The following PTPN9 variants were observed in gnomAD, a reference collection of about 807,000 sequenced individuals.
The protein encoded by PTPN9 is protein tyrosine phosphatase non-receptor type 9.
PTPN9 carries 26 observed loss-of-function variants against 69.8 expected under a neutral mutation model. That is an observed-to-expected ratio of 0.37 (90% confidence interval 0.27 to 0.52). The LOEUF is 0.52. Ranked by LOEUF, PTPN9 falls within the 20% of genes least tolerant of loss-of-function variation. PTPN9 has a pLI of 0.91. For missense variants in PTPN9, 549 were observed against 740.3 expected (o/e 0.74, Z 3.00); for synonymous variants, 274 against 272.5 (o/e 1.01, Z -0.05).
At chr15:75,518,223 C>T (rs896677379) in intron 4 of PTPN9, among the ~76,000 whole-genome samples, 3 of 151,810 alleles carry the variant, frequency 2.0e-5, no homozygotes, top group African/African-American at 7.3e-5. Context: ...CCTATAGTCT[C>T]AGCTACTTGG....
chr15:75,492,891 G>A (rs1001164307), intron 7 of PTPN9, among the ~76,000 whole-genome samples: 6 of 152,162 alleles, frequency 3.9e-5, no homozygotes, highest in Non-Finnish European at 7.3e-5. Flanking sequence ...GGTGGCTCAT[G>A]CCTGTAATCC....
intron 4 of PTPN9, among the ~76,000 whole-genome samples, chr15:75,520,752 G>A (rs891093744): frequency 3.3e-5 from 5 of 151,940 alleles, no homozygotes; most frequent in Non-Finnish European, 5.9e-5. Context: ...CCGACCTCAG[G>A]AGATCCACCC....
chr15:75,566,498 A>T (rs571130558), intron 1 of PTPN9, among the ~76,000 whole-genome samples: 4 of 152,110 alleles, frequency 2.6e-5, no homozygotes, highest in Non-Finnish European at 5.9e-5. Flanking sequence ...CTTGGCCAAA[A>T]TGGCAAAACC....
chr15:75,541,879 A>C (rs1414376756), intron 1 of PTPN9, among the ~76,000 whole-genome samples: 1 of 151,694 alleles, frequency 6.6e-6, no homozygotes, highest in Non-Finnish European at 1.5e-5. Flanking sequence ...CTCTGCTAAA[A>C]ATACAAAAAT....
chr15:75,470,766 G>A lies in PTPN9; in HGVS notation c.1273C>T (p.Arg425Ter), dbSNP rs770114056. The A allele has an allele frequency of 5.0e-6, 8 of 1,614,034 alleles. No homozygotes were observed. The highest frequency in any genetic ancestry group is 1.7e-5 in the Admixed American group (1 of 60,010). ...YWPLEKDSRI[R>*]FGFLTVTNLG... ...TTGGTCACTGTGAGGAAGCCAAATC[G>A]GATCCGAGAGTCTTTTTCTAAAGGC... The change falls in exon 11 of 13, where the codon CGA becomes TGA. Residue 425 changes from arginine (R) to a stop codon, truncating the protein, a stop_gained. Transcript: ENST00000618819. LOFTEE classifies it high-confidence loss of function.
At chr15:75,474,144 G>A (rs1328631121) in intron 9 of PTPN9, among the ~76,000 whole-genome samples, 1 of 152,178 alleles carries the variant, frequency 6.6e-6, no homozygotes, top group African/African-American at 2.4e-5. Flanking sequence ...TATAATCACA[G>A]ATTGCTTACT....
intron 7 of PTPN9, 146 bp downstream of exon 7, chr15:75,505,529 C>T (rs1028170458): frequency 9.3e-6 from 5 of 539,130 alleles, no homozygotes; most frequent in Non-Finnish European, 1.6e-5. Flanking sequence ...TTTCTGCATG[C>T]GAGAAACCAT....
At chr15:75,544,625 G>A (rs938810995) in intron 1 of PTPN9, among the ~76,000 whole-genome samples, 1 of 152,128 alleles carries the variant, frequency 6.6e-6, no homozygotes, top group Non-Finnish European at 1.5e-5. Context: ...GGTTCCCAGA[G>A]GGAGGTAACA....
chr15:75,505,869 T>C lies in PTPN9; in HGVS notation c.774A>G (p.Pro258=). The change falls in exon 7 of 13, where the codon CCA becomes CCG. Residue 258 remains proline, a synonymous_variant. Transcript: ENST00000618819. ...FQFLPQVNGH[P]DPFDEIILFS... ...ACAGGATGATCTCATCGAAGGGATC[T>C]GGGTGGCCGTTCACCTGGGGTAGGA... 1.2e-6 allele frequency: 2 copies of C among 1,614,140 alleles called. No homozygotes were observed. Among genetic ancestry groups the C allele is most frequent in the African/African-American group, 1.3e-5 (1 of 75,042 alleles).
Position 75,469,714 on chromosome 15 carries a change from T to C in PTPN9, c.1567+78A>G, listed in dbSNP as rs1177212468. ...AGTGAGTTCCTTCTCCAATCACAGA[T>C]GTGGGCTAAGAGCTTTGTTTTTCCT... On this transcript the variant is annotated intron_variant, in intron 12 of 12. Coordinates refer to ENST00000618819, the MANE Select transcript of PTPN9 (RefSeq NM_002833.4). The C allele has an allele frequency of 6.8e-6, 10 of 1,468,190 alleles. No homozygotes were observed. The African/African-American group carries it at 8.3e-5, about 12-fold the overall frequency. 90.9% of individuals were successfully genotyped at this position (1,468,190 alleles called of 1,614,324 possible).
intron 5 of PTPN9, among the ~76,000 whole-genome samples, chr15:75,515,954 A>C (rs2074867568): frequency 6.6e-6 from 1 of 152,096 alleles, no homozygotes; most frequent in African/African-American, 2.4e-5. Flanking sequence ...TAAATTTTAA[A>C]GAGTACATAG....
At chr15:75,516,925 A>G (rs2074873427) in intron 5 of PTPN9, among the ~76,000 whole-genome samples, 1 of 150,896 alleles carries the variant, frequency 6.6e-6, no homozygotes, top group Admixed American at 6.6e-5. Flanking sequence ...TTGTGTTTTT[A>G]GTAGAGACAG....
chr15:75,513,516 C>T (rs2074853546), intron 5 of PTPN9: 2 of 414,502 alleles, frequency 4.8e-6, no homozygotes, highest in African/African-American at 2.1e-5. Flanking sequence ...CCTGTAATCC[C>T]AGGACTTTGA....
intron 2 of PTPN9, among the ~76,000 whole-genome samples, chr15:75,524,647 G>A (rs902123177): frequency 2.0e-5 from 3 of 151,724 alleles, no homozygotes; most frequent in African/African-American, 7.3e-5. Flanking sequence ...GCATGGTGGT[G>A]CGCGCCCATA....
At chr15:75,550,972 G>A (rs2075054378) in intron 1 of PTPN9, among the ~76,000 whole-genome samples, 1 of 152,164 alleles carries the variant, frequency 6.6e-6, no homozygotes. Context: ...TAAAGGAAAA[G>A]CCTGGAAGGA....
At chr15:75,551,009 G>T (rs1028752939) in intron 1 of PTPN9, among the ~76,000 whole-genome samples, 1 of 152,152 alleles carries the variant, frequency 6.6e-6, no homozygotes, top group Admixed American at 6.6e-5. Flanking sequence ...AATGTTTACT[G>T]AGTGCTTATA....
chr15:75,559,324 G>A (rs2141339729), intron 1 of PTPN9, among the ~76,000 whole-genome samples: 1 of 152,280 alleles, frequency 6.6e-6, no homozygotes, highest in East Asian at 1.9e-4. Flanking sequence ...GTTTTGTCGA[G>A]TAGAAAAGGG....
At chr15:75,488,123 A>T (rs557031791) in intron 8 of PTPN9, among the ~76,000 whole-genome samples, 83 of 152,268 alleles carry the variant, frequency 5.5e-4, no homozygotes, top group Middle Eastern at 3.4e-3. Context: ...TCTACTAAAA[A>T]TACAAAAATT....
chr15:75,470,519 G>T (rs2074558451), intron 11 of PTPN9, among the ~76,000 whole-genome samples, 161 bp downstream of exon 11: 1 of 152,136 alleles, frequency 6.6e-6, no homozygotes, highest in Non-Finnish European at 1.5e-5. Context: ...CAGTAATATG[G>T]CTATATTGGC....
Sources: allele counts gnomAD v4.1 joint callset (sites outside exome capture counted in the v4.1 genomes callset), GRCh38; gene constraint gnomAD v4.1.1; transcripts MANE v1.5; gene names NCBI Gene and HGNC (gene_info 2026-07-23, HGNC 2026-07-21).